The following FREM3 variants were observed in gnomAD, a reference collection of about 807,000 sequenced individuals.
The protein encoded by FREM3 is FRAS1-related extracellular matrix protein 3.
Under a neutral mutation model 129.1 loss-of-function variants are expected in FREM3, and 105 were observed. The observed-to-expected ratio is 0.81, with a 90% CI of 0.69 to 0.96. The LOEUF is 0.96. Among genes scored for constraint, FREM3 ranks in the 40% least tolerant of loss-of-function variants. The probability of loss-of-function intolerance (pLI) is 0.00; values close to 1 mark genes in which losing one functional copy is unlikely to be tolerated. For missense variants in FREM3, 2,593 were observed against 2,666.3 expected (o/e 0.97, Z 0.61); for synonymous variants, 1,014 against 1,044.9 (o/e 0.97, Z 0.57).
chr4:143,672,907 G>A (rs144926592), intron 2 of FREM3, among the ~76,000 whole-genome samples: 91 of 152,148 alleles, frequency 6.0e-4, no homozygotes, highest in Middle Eastern at 3.4e-3. Flanking sequence ...TTGTGCATTC[G>A]TCACATGGTT....
At chr4:143,642,563 T>C (rs1428842922) in intron 2 of FREM3, among the ~76,000 whole-genome samples, 1 of 151,960 alleles carries the variant, frequency 6.6e-6, no homozygotes, top group African/African-American at 2.4e-5. Context: ...TAAATGGTGC[T>C]GGGAAAATTG....
Position 143,700,353 on chromosome 4 carries a change from C to T in FREM3, c.323G>A (p.Gly108Asp), listed in dbSNP as rs1049749631. 5.2e-6 allele frequency: 8 copies of T among 1,534,818 alleles called. No homozygotes were observed. The highest frequency in any genetic ancestry group is 2.0e-5 in the Admixed American group (1 of 50,910). ...GGGGAAGCGGCGCGGGGAGAGCGCG[C>T]CCTTGAGCCGCGGCAGGGCGTCCAG... ...TVLDALPRLKGALSPRRFPCT... is the reference protein window; with the variant it reads ...TVLDALPRLKDALSPRRFPCT... The change falls in exon 1 of 8, where the codon GGC becomes GAC. Residue 108 changes from glycine to aspartate, a missense_variant. This residue lies in a region of FREM3 where 2,276 missense variants were observed against 2,267.2 expected (regional missense o/e 1.00). Transcript: ENST00000329798.
At chr4:143,660,811 G>A (rs1313892398) in intron 2 of FREM3, among the ~76,000 whole-genome samples, 1 of 152,068 alleles carries the variant, frequency 6.6e-6, no homozygotes, top group Admixed American at 6.6e-5. Context: ...TCCCTTGTAA[G>A]TTGGATTCCT....
chr4:143,632,193 G>A (rs1739152232), intron 2 of FREM3, among the ~76,000 whole-genome samples: 1 of 134,498 alleles, frequency 7.4e-6, no homozygotes, highest in Non-Finnish European at 1.7e-5. Context: ...GTTGAGGATA[G>A]AACAGTGAAA....
At chr4:143,664,971 A>C (rs998789101) in intron 2 of FREM3, among the ~76,000 whole-genome samples, 2 of 151,972 alleles carry the variant, frequency 1.3e-5, no homozygotes, top group Non-Finnish European at 2.9e-5. Flanking sequence ...GAGTGACCTG[A>C]TTTTCCAGGT....
chr4:143,612,429 A>G (rs1738775185), intron 5 of FREM3, among the ~76,000 whole-genome samples: 1 of 152,128 alleles, frequency 6.6e-6, no homozygotes, highest in African/African-American at 2.4e-5. Context: ...ATTGTTTCCC[A>G]TTGTGTGGCT....
chr4:143,677,773 A>G (rs1482523435), intron 2 of FREM3, among the ~76,000 whole-genome samples: 6 of 152,246 alleles, frequency 3.9e-5, no homozygotes, highest in Non-Finnish European at 7.3e-5. Context: ...TATGCAGCCA[A>G]CAGACATATG....
chr4:143,619,497 T>G (rs892728780), intron 5 of FREM3, among the ~76,000 whole-genome samples: 3 of 152,188 alleles, frequency 2.0e-5, no homozygotes, highest in African/African-American at 7.2e-5. Flanking sequence ...CTTCTCATAC[T>G]CATATCGTGT....
At chr4:143,669,704 T>G (rs548584666) in intron 2 of FREM3, among the ~76,000 whole-genome samples, 1 of 151,846 alleles carries the variant, frequency 6.6e-6, no homozygotes, top group South Asian at 2.1e-4. Context: ...CCTTTATGCA[T>G]GTATTGTATA....
rs1435289651 is a variant in FREM3 at position 143,660,316 on chromosome 4, C to T, written c.5276-32556G>A. On this transcript the variant is annotated intron_variant, in intron 2 of 7. Transcript: ENST00000329798. ...TTTCTACATATGGCTAGCCAGTTTT[C>T]CCAGCACCATTTATTAAATGGGGAA... Among the ~76,000 whole-genome samples the T allele has an allele frequency of 2.5e-3, 387 of 152,158 alleles. 3 individuals carry two copies. The highest frequency in any genetic ancestry group is 8.8e-3 in the African/African-American group (364 of 41,476).
At position 143,652,210 on chromosome 4, in the gene FREM3, C is replaced by T. The variant is rs1244418652; in HGVS notation, c.5276-24450G>A. ...TCGCTCTGTCGCCCAGGCCGGACTG[C>T]GGACTGCAGTGGCGCAATCTCGGCT... On this transcript the variant is annotated intron_variant, in intron 2 of 7. Transcript: ENST00000329798. Among the ~76,000 whole-genome samples the T allele has an allele frequency of 1.7e-4, 14 of 84,782 alleles. 5 individuals are homozygous for T. Among genetic ancestry groups the T allele is most frequent in the Non-Finnish European group, 3.2e-4 (13 of 40,382 alleles). 55.6% of individuals were successfully genotyped at this position (84,782 alleles called of 152,430 possible). A position where few individuals can be genotyped will look rare whatever the true frequency, so the allele number is the denominator to read the frequency against.
chr4:143,663,257 G>A (rs1290650058), intron 2 of FREM3, among the ~76,000 whole-genome samples: 2 of 151,926 alleles, frequency 1.3e-5, no homozygotes, highest in Non-Finnish European at 2.9e-5. Flanking sequence ...CTTCCTTCAG[G>A]AGCTCTTTTA....
chr4:143,643,559 A>G (rs1739360964), intron 2 of FREM3, among the ~76,000 whole-genome samples: 1 of 152,174 alleles, frequency 6.6e-6, no homozygotes, highest in South Asian at 2.1e-4. Context: ...TAAACCAGAC[A>G]CAGAAATGCA....
At chr4:143,664,794 G>A (rs1378237725) in intron 2 of FREM3, among the ~76,000 whole-genome samples, 4 of 152,142 alleles carry the variant, frequency 2.6e-5, no homozygotes, top group African/African-American at 9.7e-5. Flanking sequence ...TGGCAATGGC[G>A]GGCGCCCCTC....
chr4:143,626,464 G>A (rs1739039205), intron 3 of FREM3, among the ~76,000 whole-genome samples: 1 of 152,148 alleles, frequency 6.6e-6, no homozygotes. Context: ...CATTCAAATG[G>A]TTCTGAGCAG....
At chr4:143,695,465 A>T (rs1380498933) in intron 1 of FREM3, 26 bp downstream of exon 1, 1 of 1,510,412 alleles carries the variant, frequency 6.6e-7, no homozygotes, top group Admixed American at 2.1e-5. Flanking sequence ...GAGGGACAGA[A>T]TAGGCAGGGA....
intron 6 of FREM3, among the ~76,000 whole-genome samples, chr4:143,607,075 T>C (rs1738680825): frequency 6.6e-6 from 1 of 152,182 alleles, no homozygotes; most frequent in Non-Finnish European, 1.5e-5. Flanking sequence ...GTATCCTCTA[T>C]GCTTAGCAGA....
At chr4:143,668,995 G>A (rs1406844549) in intron 2 of FREM3, among the ~76,000 whole-genome samples, 1 of 152,152 alleles carries the variant, frequency 6.6e-6, no homozygotes, top group Non-Finnish European at 1.5e-5. Context: ...AGCAGACACT[G>A]AAGAATGTCT....
Position 143,698,120 on chromosome 4 carries a change from C to T in FREM3, c.2556G>A (p.Leu852=), listed in dbSNP as rs575811168. 7.2e-6 allele frequency: 11 copies of T among 1,537,452 alleles called. No homozygotes were observed. The highest frequency in any genetic ancestry group is 7.1e-5 in the South Asian group (6 of 84,060). ...TGTCTGTGTCTGGGTCTGTAACATG[C>T]AGCTCATTACTGCTGAGGTTAAAGC... ...GGSFNLSSNE[L]HVTDPDTDID... is the part of the protein sequence containing the mutation. The change falls in exon 1 of 8, where the codon CTG becomes CTA. Residue 852 remains leucine (L), a synonymous_variant. Coordinates refer to ENST00000329798, the MANE Select transcript of FREM3 (RefSeq NM_001168235.2).
Sources: gnomAD v4.1 joint callset for allele counts (sites outside exome capture counted in the v4.1 genomes callset) on GRCh38, gnomAD v4.1.1 for gene constraint, gnomAD v4.1.1 regional missense constraint, MANE v1.5 for transcripts, NCBI Gene and HGNC (gene_info 2026-07-23, HGNC 2026-07-21) for gene names.